The following CDC40 variants were observed in gnomAD, a reference collection of about 807,000 sequenced individuals.
The protein encoded by CDC40 is pre-mRNA-processing factor 17.
Under a neutral mutation model 80.6 loss-of-function variants are expected in CDC40, and 27 were observed. The observed-to-expected ratio is 0.33, with a 90% confidence interval of 0.25 to 0.46. The LOEUF (loss-of-function observed/expected upper bound fraction) is 0.46. Ranked by LOEUF, CDC40 falls within the 20% of genes least tolerant of loss-of-function variation. The pLI, the probability that CDC40 is intolerant of heterozygous loss-of-function variation, is 1.00. For synonymous variants in CDC40, 221 were observed against 232.6 expected (o/e 0.95, Z 0.45); for missense variants, 486 against 694.1 (o/e 0.70, Z 3.37).
At position 110,228,986 on chromosome 6, in the gene CDC40, A is replaced by C; in HGVS notation, c.1562+10A>C. On this transcript the variant is annotated intron_variant, in intron 14 of 14. Transcript: ENST00000307731. ...TTTCACCAGACATGAGGTAAGTTTA[A>C]ATCTTCTAATCCATTCTCGTATTCA... 1.9e-6 allele frequency: 3 copies of C among 1,590,652 alleles called. No individual in the cohort carries two copies. Among genetic ancestry groups the C allele is most frequent in the South Asian group, 1.2e-5 (1 of 86,296 alleles).
At chr6:110,223,255 T>C (rs1237904792) in intron 12 of CDC40, among the ~76,000 whole-genome samples, 1 of 152,144 alleles carries the variant, frequency 6.6e-6, no homozygotes, top group Non-Finnish European at 1.5e-5. Context: ...TGGCTAATTT[T>C]TAAATTTTTT....
intron 3 of CDC40, among the ~76,000 whole-genome samples, chr6:110,202,750 G>T (rs965870078): frequency 6.6e-6 from 1 of 152,126 alleles, no homozygotes; most frequent in Non-Finnish European, 1.5e-5. Flanking sequence ...GAAGTGGTGA[G>T]GTAGGACACA....
At chr6:110,200,520 A>G (rs1777481729) in intron 2 of CDC40, among the ~76,000 whole-genome samples, 1 of 152,232 alleles carries the variant, frequency 6.6e-6, no homozygotes, top group Non-Finnish European at 1.5e-5. Flanking sequence ...ATTTAAAAAC[A>G]AACAAAAAAA....
rs778341080 is a variant in CDC40 at position 110,209,315 on chromosome 6, A to C, written c.630+92A>C. Reference sequence around the variant, plus strand: ...TAATAAACTTGAGATTTCTTTAGAGAACCAAATGACTCATCAAAATTTTTC... The same window carrying C: ...TAATAAACTTGAGATTTCTTTAGAGCACCAAATGACTCATCAAAATTTTTC... On this transcript the variant is annotated intron_variant, in intron 5 of 14. Transcript: ENST00000307731. 3.1e-5 allele frequency: 37 copies of C among 1,176,192 alleles called. No individual in the cohort carries two copies. The East Asian group carries it at 8.8e-4, about 28-fold the overall frequency. The allele number at this position is 1,176,192 out of a possible 1,614,324, so 72.9% of individuals were successfully genotyped here.
intron 1 of CDC40, among the ~76,000 whole-genome samples, chr6:110,184,620 A>G (rs1777241510): frequency 1.3e-5 from 2 of 151,426 alleles, no homozygotes; most frequent in Non-Finnish European, 2.9e-5. Flanking sequence ...TATTTCTTTT[A>G]TTTATTGTTC....
chr6:110,220,424 T>A (rs1326428061), intron 12 of CDC40, among the ~76,000 whole-genome samples: 1 of 150,108 alleles, frequency 6.7e-6, no homozygotes, highest in African/African-American at 2.4e-5. Context: ...CCCACAATCA[T>A]TGATGAAGGA....
chr6:110,217,583 C>T, intron 9 of CDC40, 119 bp from the exon 10 acceptor site: 1 of 652,016 alleles, frequency 1.5e-6, no homozygotes, highest in Non-Finnish European at 2.8e-6. Context: ...TTCCAGTGAT[C>T]TTGACTCACA....
At chr6:110,184,225 G>A (rs1430740585) in intron 1 of CDC40, among the ~76,000 whole-genome samples, 2 of 151,980 alleles carry the variant, frequency 1.3e-5, no homozygotes, top group African/African-American at 4.8e-5. Flanking sequence ...GCCCTTTTTT[G>A]TTGGCTCTTC....
intron 8 of CDC40, 142 bp from the exon 9 acceptor site, chr6:110,215,144 C>T: frequency 1.6e-6 from 1 of 634,936 alleles, no homozygotes; most frequent in Non-Finnish European, 2.8e-6. Context: ...TAATGATATT[C>T]AGTGTTTAAT....
chr6:110,229,159 T>G (rs1777903419), intron 14 of CDC40, among the ~76,000 whole-genome samples, 183 bp downstream of exon 14: 1 of 152,182 alleles, frequency 6.6e-6, no homozygotes, highest in Non-Finnish European at 1.5e-5. Context: ...TACATTTTGC[T>G]TTTTTTAGGT....
At chr6:110,220,829 T>C (rs1777766739) in intron 12 of CDC40, among the ~76,000 whole-genome samples, 1 of 152,134 alleles carries the variant, frequency 6.6e-6, no homozygotes, top group Non-Finnish European at 1.5e-5. Context: ...CCATCAGATC[T>C]CATGTGACTT....
chr6:110,184,830 A>C lies in CDC40; in HGVS notation c.189+4197A>C, dbSNP rs183770884. ...AAGGTTCAGTTCACAAAGAGATATA[A>C]AACAATGTAAGCTCAAAATATTTCA... is the stretch of plus-strand genomic sequence containing the variant. On this transcript the variant is annotated intron_variant, in intron 1 of 14. Transcript: ENST00000307731. 1.2e-3 allele frequency among the ~76,000 whole-genome samples: 180 copies of C among 152,304 alleles called. 1 individual carries two copies. Among genetic ancestry groups the C allele is most frequent in the Non-Finnish European group, 2.8e-4 (19 of 68,020 alleles).
chr6:110,222,325 G>A lies in CDC40; in HGVS notation c.1340+2456G>A, dbSNP rs763879049. Among the ~76,000 whole-genome samples the A allele has an allele frequency of 3.5e-4, 53 of 152,212 alleles. 1 individual carries two copies. The highest frequency in any genetic ancestry group is 6.2e-4 in the South Asian group (3 of 4,818). ...TGTAATCCCAGCACTTTGAGAGGCC[G>A]AGGCAGGCGGATCACGAAGTCAGGA... On this transcript the variant is annotated intron_variant, in intron 12 of 14. Coordinates refer to ENST00000307731, the MANE Select transcript of CDC40 (RefSeq NM_015891.3).
intron 1 of CDC40, among the ~76,000 whole-genome samples, chr6:110,189,799 C>G (rs1412815432): frequency 6.6e-6 from 1 of 152,164 alleles, no homozygotes; most frequent in Non-Finnish European, 1.5e-5. Context: ...CCTGACACCC[C>G]ATCTGTTCTG....
At chr6:110,228,649 T>TTAA (rs1386927360) in intron 13 of CDC40, among the ~76,000 whole-genome samples, 183 bp from the exon 14 acceptor site, 1 of 152,158 alleles carries the variant, frequency 6.6e-6, no homozygotes, top group Non-Finnish European at 1.5e-5. Context: ...AGTTTATATA[T>TTAA]TAATACCTCT....
chr6:110,220,848 G>A (rs187498179), intron 12 of CDC40, among the ~76,000 whole-genome samples: 13 of 152,188 alleles, frequency 8.5e-5, no homozygotes, highest in East Asian at 1.9e-4. Context: ...TTACTACCAC[G>A]CAAGAACAGT....
intron 1 of CDC40, among the ~76,000 whole-genome samples, chr6:110,184,079 G>C (rs978407584): frequency 6.6e-6 from 1 of 152,120 alleles, no homozygotes; most frequent in East Asian, 1.9e-4. Flanking sequence ...TTAACTCATA[G>C]TCATGAAAAT....
chr6:110,216,206 G>C (rs1023506724), intron 9 of CDC40, among the ~76,000 whole-genome samples: 4 of 152,184 alleles, frequency 2.6e-5, no homozygotes, highest in Non-Finnish European at 5.9e-5. Context: ...AGGGAGGACA[G>C]CTTTGTGACA....
intron 3 of CDC40, among the ~76,000 whole-genome samples, chr6:110,207,037 G>A (rs1321957590): frequency 6.6e-6 from 1 of 152,002 alleles, no homozygotes; most frequent in Admixed American, 6.6e-5. Context: ...CTCAGGGGCC[G>A]GGAGTGGTGG....
Sources: allele counts gnomAD v4.1 joint callset (sites outside exome capture counted in the v4.1 genomes callset), GRCh38; gene constraint gnomAD v4.1.1; transcripts MANE v1.5; gene names NCBI Gene and HGNC (gene_info 2026-07-23, HGNC 2026-07-21).